The following SLC9A2 variants were observed in gnomAD, a reference collection of about 807,000 sequenced individuals.
The protein encoded by SLC9A2 is sodium/hydrogen exchanger 2.
Under a neutral mutation model 71.7 loss-of-function variants are expected in SLC9A2, and 42 were observed. The observed-to-expected ratio is 0.59, with a 90% confidence interval of 0.46 to 0.76. The LOEUF is 0.76. Ranked by LOEUF, SLC9A2 falls within the 30% of genes least tolerant of loss-of-function variation. SLC9A2 has a pLI of 0.00. For synonymous variants in SLC9A2, 396 were observed against 392.5 expected, an observed-to-expected ratio of 1.01 and a Z score of -0.10; for missense variants, 829 against 1,017.4, an observed-to-expected ratio of 0.81 and a Z score of 2.52.
At chr2:102,640,600 G>A (rs1282945093) in intron 1 of SLC9A2, among the ~76,000 whole-genome samples, 1 of 152,168 alleles carries the variant, frequency 6.6e-6, no homozygotes, top group Admixed American at 6.5e-5. Flanking sequence ...CAGGCATAGG[G>A]AGGGTGCCAA....
intron 2 of SLC9A2, among the ~76,000 whole-genome samples, chr2:102,663,192 C>G (rs1365133154): frequency 6.6e-6 from 1 of 151,908 alleles, no homozygotes; most frequent in Non-Finnish European, 1.5e-5. Context: ...AACAATGATG[C>G]CTTTAAAATA....
At chr2:102,705,758 A>G in intron 10 of SLC9A2, 88 bp from the exon 11 acceptor site, 1 of 710,318 alleles carries the variant, frequency 1.4e-6, no homozygotes, top group Non-Finnish European at 2.2e-6. Flanking sequence ...GATTTTTAAC[A>G]TGAAGTTTTG....
intron 2 of SLC9A2, among the ~76,000 whole-genome samples, chr2:102,661,847 T>A (rs1413871809): frequency 6.6e-6 from 1 of 152,186 alleles, no homozygotes; most frequent in African/African-American, 2.4e-5. Context: ...CCCACATACA[T>A]AATATATACA....
chr2:102,684,023 C>A (rs977637298), intron 4 of SLC9A2, 111 bp from the exon 5 acceptor site: 7 of 737,420 alleles, frequency 9.5e-6, no homozygotes, highest in South Asian at 5.2e-5. Context: ...GACTTTGGGG[C>A]CTATTCTTAA....
rs558444216 is a variant in SLC9A2 at position 102,650,652 on chromosome 2, TA to T, written c.290-6909del. ...ATCTGCCTTTTCTGATAACACTGGTTAAATTATGCTTTCTTTCCTTATTGTT... is the reference window on the plus strand; with the variant it reads ...ATCTGCCTTTTCTGATAACACTGGTTAATTATGCTTTCTTTCCTTATTGTT... On this transcript the variant is annotated intron_variant, in intron 1 of 11. Coordinates refer to ENST00000233969, the MANE Select transcript of SLC9A2 (RefSeq NM_003048.6). Among the ~76,000 whole-genome samples, 190 of 152,364 alleles carry T rather than the reference TA, an allele frequency of 1.2e-3. 3 individuals are homozygous for T. Among genetic ancestry groups the T allele is most frequent in the African/African-American group, 4.4e-3 (184 of 41,582 alleles).
chr2:102,634,439 G>A (rs907151126), intron 1 of SLC9A2, among the ~76,000 whole-genome samples: 18 of 152,144 alleles, frequency 1.2e-4, no homozygotes, highest in Admixed American at 2.0e-4. Context: ...CAGCTTCTTC[G>A]TTAGGTTGTT....
chr2:102,688,895 G>A (rs1480605608), intron 5 of SLC9A2, among the ~76,000 whole-genome samples: 4 of 152,140 alleles, frequency 2.6e-5, no homozygotes, highest in African/African-American at 9.7e-5. Flanking sequence ...TTCTGTAAAC[G>A]TACTAAGTGG....
intron 1 of SLC9A2, among the ~76,000 whole-genome samples, chr2:102,640,283 A>G (rs992571233): frequency 5.9e-5 from 9 of 152,194 alleles, no homozygotes; most frequent in African/African-American, 1.7e-4. Flanking sequence ...CCAACAACCA[A>G]TTCTCCAACT....
chr2:102,629,408 T>A (rs1047935051), intron 1 of SLC9A2, among the ~76,000 whole-genome samples: 1 of 152,132 alleles, frequency 6.6e-6, no homozygotes, highest in African/African-American at 2.4e-5. Context: ...TATATCTACA[T>A]TTTCCAGATG....
intron 1 of SLC9A2, among the ~76,000 whole-genome samples, chr2:102,624,419 C>A (rs765254785): frequency 4.6e-5 from 7 of 152,108 alleles, no homozygotes; most frequent in Non-Finnish European, 7.3e-5. Context: ...TAATGGGTAG[C>A]CAAAGAATTG....
At chr2:102,678,882 G>C (rs1240533182) in intron 3 of SLC9A2, among the ~76,000 whole-genome samples, 1 of 152,184 alleles carries the variant, frequency 6.6e-6, no homozygotes, top group Non-Finnish European at 1.5e-5. Context: ...CTAAGAGGCT[G>C]TTTTGCCTGT....
chr2:102,669,534 A>G (rs1261792295), intron 3 of SLC9A2, among the ~76,000 whole-genome samples: 1 of 152,188 alleles, frequency 6.6e-6, no homozygotes, highest in African/African-American at 2.4e-5. Flanking sequence ...TAGCCCCTTA[A>G]ACCAGAAACT....
chr2:102,691,892 A>G (rs920162565), intron 5 of SLC9A2, among the ~76,000 whole-genome samples: 3 of 152,180 alleles, frequency 2.0e-5, no homozygotes, highest in Admixed American at 6.5e-5. Context: ...TGTATTTACA[A>G]AGACTCGTGA....
At position 102,709,311 on chromosome 2, in the gene SLC9A2, T is replaced by G. The variant is rs189168907; in HGVS notation, c.*822T>G. 2.6e-5 allele frequency: 4 copies of G among 152,530 alleles called. No homozygotes were observed. The East Asian group carries it at 7.5e-4, about 29-fold the overall frequency. The allele number at this position is 152,530 out of a possible 1,614,324, so 9.4% of individuals were successfully genotyped here. ...GCAGCTTTTGATGAAGTTCCACCCA[T>G]GAGGGTCCATGTGGCAAGTAGGGCC... On this transcript the variant is annotated 3_prime_UTR_variant, in exon 12 of 12. Coordinates refer to ENST00000233969, the MANE Select transcript of SLC9A2 (RefSeq NM_003048.6).
chr2:102,658,189 T>A (rs1186110754), intron 2 of SLC9A2, among the ~76,000 whole-genome samples, 162 bp downstream of exon 2: 2 of 152,236 alleles, frequency 1.3e-5, no homozygotes, highest in Non-Finnish European at 2.9e-5. Flanking sequence ...CTGACATCAC[T>A]GTCTTATAAT....
At chr2:102,655,302 C>T (rs748386169) in intron 1 of SLC9A2, among the ~76,000 whole-genome samples, 8 of 150,898 alleles carry the variant, frequency 5.3e-5, no homozygotes, top group Admixed American at 1.3e-4. Context: ...TACAGGCACC[C>T]GCCACCACAC....
intron 1 of SLC9A2, among the ~76,000 whole-genome samples, chr2:102,640,023 G>A (rs1040015882): frequency 1.3e-5 from 2 of 152,170 alleles, no homozygotes; most frequent in African/African-American, 2.4e-5. Flanking sequence ...ATTGCGAGGC[G>A]TGTGAGACAA....
intron 1 of SLC9A2, among the ~76,000 whole-genome samples, chr2:102,635,233 G>A (rs1676446155): frequency 6.6e-6 from 1 of 152,202 alleles, no homozygotes; most frequent in African/African-American, 2.4e-5. Flanking sequence ...GAGGAGAAAT[G>A]ATACTGAAAA....
intron 1 of SLC9A2, among the ~76,000 whole-genome samples, chr2:102,650,557 T>A (rs1368346003): frequency 6.6e-6 from 1 of 152,242 alleles, no homozygotes; most frequent in Non-Finnish European, 1.5e-5. Context: ...TTAAACTCTT[T>A]GACCTTCATG....
Sources: gnomAD v4.1 joint callset for allele counts (sites outside exome capture counted in the v4.1 genomes callset) on GRCh38, gnomAD v4.1.1 for gene constraint, MANE v1.5 for transcripts, NCBI Gene and HGNC (gene_info 2026-07-23, HGNC 2026-07-21) for gene names.